TNIK: variants seen among roughly 807,000 people sequenced by gnomAD.
The protein encoded by TNIK is TRAF2 and NCK interacting kinase.
A neutral mutation model predicts 191.3 loss-of-function variants in TNIK; 49 were observed. That is an observed-to-expected ratio of 0.26 (90% CI 0.20 to 0.32). The LOEUF is 0.32. Ranked by LOEUF, TNIK falls within the 10% of genes least tolerant of loss-of-function variation. The pLI, the probability that TNIK is intolerant of heterozygous loss-of-function variation, is 1.00. For missense variants in TNIK, 1,155 were observed against 1,702.3 expected (o/e 0.68, Z 5.66); for synonymous variants, 594 against 600.9 (o/e 0.99, Z 0.17).
chr3:171,215,374 T>C (rs1316682809), intron 3 of TNIK, among the ~76,000 whole-genome samples: 1 of 152,166 alleles, frequency 6.6e-6, no homozygotes, highest in Non-Finnish European at 1.5e-5. Context: ...ATGTATGAAC[T>C]ATCTTATTGA....
intron 5 of TNIK, 62 bp downstream of exon 5, chr3:171,194,463 A>G (rs550395734): frequency 7.0e-7 from 1 of 1,429,410 alleles, no homozygotes; most frequent in African/African-American, 1.4e-5. Flanking sequence ...TCAATCCCTC[A>G]TAAGATATCA....
chr3:171,282,341 GTTTTT>G (rs869305605), intron 2 of TNIK, among the ~76,000 whole-genome samples: 1 of 79,950 alleles, frequency 1.3e-5, no homozygotes, highest in African/African-American at 4.5e-5. Context: ...ATGGTTTTTT[GTTTTT>G]TTTTTTTTTT....
intron 1 of TNIK, among the ~76,000 whole-genome samples, chr3:171,430,078 T>A (rs1725173995): frequency 6.6e-6 from 1 of 152,156 alleles, no homozygotes; most frequent in South Asian, 2.1e-4. Flanking sequence ...CAGGTAAGGC[T>A]ATGCACGCTA....
chr3:171,334,875 CTTT>C (rs58249552), intron 2 of TNIK, among the ~76,000 whole-genome samples: 46 of 145,996 alleles, frequency 3.2e-4, no homozygotes, highest in African/African-American at 5.2e-4. Flanking sequence ...TTATAAGTTT[CTTT>C]TTTTTTTTTT....
At chr3:171,350,340 G>A (rs1394518842) in intron 2 of TNIK, among the ~76,000 whole-genome samples, 1 of 152,100 alleles carries the variant, frequency 6.6e-6, no homozygotes, top group East Asian at 1.9e-4. Flanking sequence ...ATCTAGATTA[G>A]GAACCAGGCT....
At position 171,382,218 on chromosome 3, in the gene TNIK, C is replaced by CTTTTTTT. The variant is rs63626462; in HGVS notation, c.58-12540_58-12534dup. Among the ~76,000 whole-genome samples the CTTTTTTT allele has an allele frequency of 2.9e-4, 29 of 99,146 alleles. 1 individual carries two copies. Among genetic ancestry groups the CTTTTTTT allele is most frequent in the East Asian group, 1.0e-3 (3 of 2,980 alleles). 65.0% of individuals were successfully genotyped at this position (99,146 alleles called of 152,430 possible). On this transcript the variant is annotated intron_variant, in intron 1 of 32. Coordinates refer to ENST00000436636, the MANE Select transcript of TNIK (RefSeq NM_015028.4). ...CAGTCTCTAAGGTTGTTGAATACAT[C>CTTTTTTT]TTTTTTTTTTTTTTTTTTTTTTGAG...
intron 13 of TNIK, 148 bp from the exon 14 acceptor site, chr3:171,139,704 G>T: frequency 1.5e-6 from 1 of 686,386 alleles, no homozygotes; most frequent in Admixed American, 2.6e-5. Context: ...AGCAGGAAGA[G>T]TATGTCACAT....
Position 171,417,821 on chromosome 3 carries a change from C to A in TNIK, c.57+42186G>T, listed in dbSNP as rs118158021. Among the ~76,000 whole-genome samples, 12 of 152,328 alleles carry A rather than the reference C, an allele frequency of 7.9e-5. No homozygotes were observed. In the East Asian group the frequency reaches 2.3e-3, roughly 29 times the overall value. On this transcript the variant is annotated intron_variant, in intron 1 of 32. Coordinates refer to ENST00000436636, the MANE Select transcript of TNIK (RefSeq NM_015028.4). Reference sequence around the variant, plus strand: ...AAGGGCTTTGAAAGACAAGCTTTCTCTAAGGCTGCATGGCATTTCCCAAAG... The same window carrying A: ...AAGGGCTTTGAAAGACAAGCTTTCTATAAGGCTGCATGGCATTTCCCAAAG...
At chr3:171,191,049 C>T (rs749795732) in intron 5 of TNIK, among the ~76,000 whole-genome samples, 1 of 152,156 alleles carries the variant, frequency 6.6e-6, no homozygotes, top group Non-Finnish European at 1.5e-5. Context: ...TATCAGGTAT[C>T]AGGGAACCAC....
intron 1 of TNIK, among the ~76,000 whole-genome samples, chr3:171,452,679 CA>C (rs1186707770): frequency 6.6e-6 from 1 of 151,450 alleles, no homozygotes; most frequent in African/African-American, 2.4e-5. Flanking sequence ...TTAATCAAAA[CA>C]GCAGTCATAA....
chr3:171,332,165 C>A (rs1347263101), intron 2 of TNIK, among the ~76,000 whole-genome samples: 1 of 152,138 alleles, frequency 6.6e-6, no homozygotes, highest in East Asian at 1.9e-4. Flanking sequence ...TACATCCTAT[C>A]ATCTTTTGAT....
At chr3:171,280,875 T>C (rs1750346638) in intron 2 of TNIK, among the ~76,000 whole-genome samples, 1 of 152,312 alleles carries the variant, frequency 6.6e-6, no homozygotes, top group South Asian at 2.1e-4. Flanking sequence ...TACTATATGT[T>C]ACTATATATG....
At chr3:171,417,104 C>T (rs1437939059) in intron 1 of TNIK, among the ~76,000 whole-genome samples, 1 of 152,162 alleles carries the variant, frequency 6.6e-6, no homozygotes, top group Non-Finnish European at 1.5e-5. Flanking sequence ...AGGCACTGTA[C>T]ATCTTTCAGA....
At chr3:171,450,584 C>T (rs1728050246) in intron 1 of TNIK, among the ~76,000 whole-genome samples, 1 of 152,198 alleles carries the variant, frequency 6.6e-6, no homozygotes. Context: ...AAGCCCTAGG[C>T]AGACAGATAG....
chr3:171,133,550 G>A (rs372085832), intron 15 of TNIK, among the ~76,000 whole-genome samples: 1 of 152,230 alleles, frequency 6.6e-6, no homozygotes, highest in South Asian at 2.1e-4. Context: ...CAGATGTGCG[G>A]ATGAGGAAGC....
At chr3:171,227,562 A>C (rs16856021) in intron 3 of TNIK, among the ~76,000 whole-genome samples, 17,907 of 152,124 alleles carry the variant, frequency 0.12, 1,085 homozygotes, top group Middle Eastern at 0.15. Flanking sequence ...ATTATTGGCA[A>C]ACAGTATTCA....
At chr3:171,103,979 A>G (rs1724121685) in intron 21 of TNIK, among the ~76,000 whole-genome samples, 1 of 152,102 alleles carries the variant, frequency 6.6e-6, no homozygotes, top group Admixed American at 6.5e-5. Context: ...TAAAGTTCTG[A>G]ACTGCTTAAT....
rs999690607 is a variant in TNIK at position 171,218,527 on chromosome 3, G to T, written c.181-7286C>A. Among the ~76,000 whole-genome samples, 871 of 138,718 alleles carry T rather than the reference G, an allele frequency of 6.3e-3. 3 individuals carry two copies. The highest frequency in any genetic ancestry group is 9.7e-3 in the Non-Finnish European group (619 of 63,516). The allele number at this position is 138,718 out of a possible 152,430, so 91.0% of individuals were successfully genotyped here. On this transcript the variant is annotated intron_variant, in intron 3 of 32. Transcript: ENST00000436636. Reference sequence around the variant, plus strand: ...TAACAGCCCACAGGAATTGGAATGAGTTTTTTTTTTTTTTTCTGATAGTAT... The same window carrying T: ...TAACAGCCCACAGGAATTGGAATGATTTTTTTTTTTTTTTTCTGATAGTAT...
intron 2 of TNIK, among the ~76,000 whole-genome samples, chr3:171,365,579 G>T (rs1715624953): frequency 6.6e-6 from 1 of 152,116 alleles, no homozygotes. Flanking sequence ...TTTTAAGAAG[G>T]CAGGATCTCA....
Sources: gnomAD v4.1 joint callset for allele counts (sites outside exome capture counted in the v4.1 genomes callset) on GRCh38, gnomAD v4.1.1 for gene constraint, MANE v1.5 for transcripts, NCBI Gene and HGNC (gene_info 2026-07-23, HGNC 2026-07-21) for gene names.